Variants in ASAP2 observed in about 807,000 individuals in gnomAD.
ASAP2 encodes arf-GAP with SH3 domain, ANK repeat and PH domain-containing protein 2.
In ASAP2, 45 loss-of-function variants were observed where a neutral mutation model predicts 131.4. The observed-to-expected ratio is 0.34, with a 90% CI of 0.27 to 0.44. The LOEUF (loss-of-function observed/expected upper bound fraction) is 0.44, where lower values mean the gene tolerates loss of function less well. ASAP2 is among the 20% of genes least tolerant of loss of function. The pLI, the probability that ASAP2 is intolerant of heterozygous loss-of-function variation, is 1.00. For synonymous variants in ASAP2, 510 were observed against 503.0 expected (o/e 1.01, Z -0.19); for missense variants, 1,011 against 1,297.0 (o/e 0.78, Z 3.39).
intron 3 of ASAP2, among the ~76,000 whole-genome samples, chr2:9,306,508 A>G (rs1410450011): frequency 1.9e-4 from 29 of 151,978 alleles, no homozygotes; most frequent in African/African-American, 2.4e-5. Flanking sequence ...AGAGGAAAGC[A>G]GGTGGGAAGG....
In ASAP2 at chr2:9,320,204, C is replaced by T; in HGVS notation, c.421-84C>T. The stretch of plus-strand genomic sequence containing the variant: ...TTATTGCAGAAATTAATGCTCCTTT[C>T]AGGGCTAGTACAGGGATAAGTAAGT... On this transcript the variant is annotated intron_variant, in intron 4 of 27. Coordinates refer to ENST00000281419, the MANE Select transcript of ASAP2 (RefSeq NM_003887.3). The T allele has an allele frequency of 5.3e-6, 6 of 1,137,230 alleles. No individual in the cohort carries two copies. In the South Asian group the frequency reaches 8.0e-5, roughly 15 times the overall value. The allele number at this position is 1,137,230 out of a possible 1,614,324, so 70.4% of individuals were successfully genotyped here. A position where few individuals can be genotyped will look rare whatever the true frequency, so the allele number is the denominator to read the frequency against.
chr2:9,332,474 G>T (rs1475957126), intron 7 of ASAP2, among the ~76,000 whole-genome samples: 1 of 152,190 alleles, frequency 6.6e-6, no homozygotes, highest in Non-Finnish European at 1.5e-5. Context: ...TTACAGAGAT[G>T]AAATCTAAAT....
At chr2:9,337,346 A>G (rs2148574447) in intron 9 of ASAP2, among the ~76,000 whole-genome samples, 1 of 152,298 alleles carries the variant, frequency 6.6e-6, no homozygotes, top group African/African-American at 2.4e-5. Flanking sequence ...AGATGTGAAA[A>G]TGCTAAATTT....
intron 1 of ASAP2, among the ~76,000 whole-genome samples, chr2:9,278,500 G>A (rs1309625570): frequency 3.5e-5 from 5 of 143,380 alleles, no homozygotes; most frequent in African/African-American, 1.3e-4. Flanking sequence ...GTGACAGAGC[G>A]AGACCCCTTC....
chr2:9,225,579 T>C (rs1399086821), intron 1 of ASAP2, among the ~76,000 whole-genome samples: 1 of 152,100 alleles, frequency 6.6e-6, no homozygotes, highest in Non-Finnish European at 1.5e-5. Context: ...AGCATGTCAG[T>C]TGGAAATTGA....
In ASAP2 at chr2:9,236,308, G is replaced by A. The variant is rs113905796; in HGVS notation, c.126+29078G>A. 7.0e-3 allele frequency among the ~76,000 whole-genome samples: 1,065 copies of A among 152,156 alleles called. 12 individuals are homozygous for A. Among genetic ancestry groups the A allele is most frequent in the African/African-American group, 0.024 (1,011 of 41,498 alleles). ...TGCCACGAAGTAAAGATCATTTCGG[G>A]CCACTTGAATATATTAAGTTCGTCG... is the stretch of plus-strand genomic sequence containing the variant. On this transcript the variant is annotated intron_variant, in intron 1 of 27. Coordinates refer to ENST00000281419, the MANE Select transcript of ASAP2 (RefSeq NM_003887.3).
chr2:9,331,078 C>T (rs1326906573), intron 7 of ASAP2, among the ~76,000 whole-genome samples: 2 of 152,228 alleles, frequency 1.3e-5, no homozygotes, highest in Non-Finnish European at 2.9e-5. Flanking sequence ...ATTCCCCCAC[C>T]ACACACGCCC....
chr2:9,292,564 G>A (rs1667885523), intron 2 of ASAP2, among the ~76,000 whole-genome samples: 1 of 152,026 alleles, frequency 6.6e-6, no homozygotes, highest in African/African-American at 2.4e-5. Flanking sequence ...TATTAACAGT[G>A]GGAACACATA....
chr2:9,308,782 T>G (rs1669111996), intron 3 of ASAP2, among the ~76,000 whole-genome samples: 1 of 152,208 alleles, frequency 6.6e-6, no homozygotes, highest in Non-Finnish European at 1.5e-5. Flanking sequence ...GACTCAAGCC[T>G]CTGTTGCCAT....
At chr2:9,345,866 C>T (rs929284305) in intron 11 of ASAP2, among the ~76,000 whole-genome samples, 15 of 151,948 alleles carry the variant, frequency 9.9e-5, no homozygotes, top group East Asian at 3.9e-4. Context: ...AAACCCCAGC[C>T]GAAGCATGTC....
intron 22 of ASAP2, 83 bp from the exon 23 acceptor site, chr2:9,390,979 C>G: frequency 6.3e-7 from 1 of 1,599,674 alleles, no homozygotes; most frequent in African/African-American, 1.3e-5. Context: ...GGATCAATAA[C>G]GCAGTGTTCT....
intron 16 of ASAP2, among the ~76,000 whole-genome samples, chr2:9,370,889 G>A (rs565797301): frequency 1.3e-5 from 2 of 152,184 alleles, no homozygotes; most frequent in Non-Finnish European, 2.9e-5. Context: ...AGCATGGCGA[G>A]GTCATCTCCT....
chr2:9,298,843 C>G (rs775935548), intron 3 of ASAP2, among the ~76,000 whole-genome samples: 7 of 152,170 alleles, frequency 4.6e-5, no homozygotes, highest in Admixed American at 6.5e-5. Context: ...CCTCACACTT[C>G]AGTACAGATG....
At chr2:9,301,350 CTG>C (rs1668460575) in intron 3 of ASAP2, among the ~76,000 whole-genome samples, 1 of 152,202 alleles carries the variant, frequency 6.6e-6, no homozygotes, top group South Asian at 2.1e-4. Flanking sequence ...CTGCAGAAGT[CTG>C]TGAATTTTCT....
In ASAP2 at chr2:9,210,754, C is replaced by A. The variant is rs545826796; in HGVS notation, c.126+3524C>A. ...TATTTTTAGTAGAGATGGGGTTTCA[C>A]CGTGTTAGCCAGGATGGTCGATGGT... On this transcript the variant is annotated intron_variant, in intron 1 of 27. Transcript: ENST00000281419. 1.8e-4 allele frequency among the ~76,000 whole-genome samples: 28 copies of A among 152,092 alleles called. No homozygotes were observed. The South Asian group carries it at 5.4e-3, about 29-fold the overall frequency.
At chr2:9,208,507 CT>C (rs1661307749) in intron 1 of ASAP2, among the ~76,000 whole-genome samples, 1 of 123,640 alleles carries the variant, frequency 8.1e-6, no homozygotes, top group Non-Finnish European at 1.7e-5. Context: ...AAAATTTTTT[CT>C]TTGTAGCTGT....
chr2:9,390,365 C>T (rs1675622844), intron 22 of ASAP2, among the ~76,000 whole-genome samples: 1 of 152,236 alleles, frequency 6.6e-6, no homozygotes, highest in African/African-American at 2.4e-5. Flanking sequence ...TGGCCCATTT[C>T]TAGGCCTAGC....
chr2:9,392,209 A>G lies in ASAP2; in HGVS notation c.2518+1013A>G, dbSNP rs758006387. Among the ~76,000 whole-genome samples the G allele has an allele frequency of 2.0e-5, 3 of 152,140 alleles. No individual in the cohort carries two copies. The highest frequency in any genetic ancestry group is 4.4e-5 in the Non-Finnish European group (3 of 68,028). On this transcript the variant is annotated intron_variant, in intron 23 of 27. Coordinates refer to ENST00000281419, the MANE Select transcript of ASAP2 (RefSeq NM_003887.3). The surrounding 1 kb of genome is among the most constrained non-coding windows in gnomAD (Gnocchi z 4.0). ...GTTGAAAGTCCTGAAAACCTTGGGTAAAGAAGCGGGAGGAGGTTTTTAGGA... is the reference window on the plus strand; with the variant it reads ...GTTGAAAGTCCTGAAAACCTTGGGTGAAGAAGCGGGAGGAGGTTTTTAGGA...
chr2:9,306,408 C>T (rs1668945159), intron 3 of ASAP2, among the ~76,000 whole-genome samples: 1 of 151,794 alleles, frequency 6.6e-6, no homozygotes, highest in African/African-American at 2.4e-5. Flanking sequence ...GGACGTTTCC[C>T]AGACTTTCTT....
Sources: gnomAD v4.1 joint callset for allele counts (sites outside exome capture counted in the v4.1 genomes callset) on GRCh38, gnomAD v4.1.1 for gene constraint, Gnocchi (gnomAD v3.1) non-coding constraint, MANE v1.5 for transcripts, NCBI Gene and HGNC (gene_info 2026-07-23, HGNC 2026-07-21) for gene names.